Variants in SYT6 observed in about 807,000 individuals in gnomAD.
SYT6 encodes the protein synaptotagmin-6.
Under a neutral mutation model 38.4 loss-of-function variants are expected in SYT6, and 24 were observed. That is an observed-to-expected ratio of 0.62 (90% CI 0.45 to 0.88). The LOEUF is 0.88. SYT6 is among the 40% of genes least tolerant of loss of function. The pLI, the probability that SYT6 is intolerant of heterozygous loss-of-function variation, is 0.00. For synonymous variants in SYT6, 265 were observed against 241.9 expected (o/e 1.10, Z -0.89); for missense variants, 611 against 621.0 (o/e 0.98, Z 0.17).
intron 3 of SYT6, among the ~76,000 whole-genome samples, chr1:114,118,620 T>TCCTGCTGCTGCTGCAGAGGGG (rs1677153936): frequency 6.6e-6 from 1 of 152,178 alleles, no homozygotes; most frequent in South Asian, 2.1e-4. Context: ...TCCCTGGGGC[T>TCCTGCTGCTGCTGCAGAGGGG]CCTGCTGCTG....
intron 3 of SYT6, among the ~76,000 whole-genome samples, chr1:114,118,949 A>G (rs1212284848): frequency 6.6e-6 from 1 of 152,068 alleles, no homozygotes; most frequent in Non-Finnish European, 1.5e-5. Context: ...GGTGGCTCCT[A>G]TGTCTCCGTG....
intron 3 of SYT6, among the ~76,000 whole-genome samples, chr1:114,130,469 C>G (rs979225025): frequency 3.9e-5 from 6 of 152,120 alleles, no homozygotes; most frequent in Non-Finnish European, 8.8e-5. Context: ...CTGCCTGACC[C>G]TCTTTCTCCT....
At chr1:114,133,108 C>T (rs1300614774) in intron 3 of SYT6, among the ~76,000 whole-genome samples, 2 of 152,120 alleles carry the variant, frequency 1.3e-5, no homozygotes, top group Non-Finnish European at 2.9e-5. Flanking sequence ...CCCTAAAACA[C>T]ACACACACAC....
Position 114,153,794 on chromosome 1 carries a change from C to A in SYT6, c.-22G>T. On this transcript the variant is annotated 5_prime_UTR_variant, in exon 1 of 8. Coordinates refer to ENST00000610222, the MANE Select transcript of SYT6 (RefSeq NM_001253772.2). ...TCATGCCCTAGACACCCAGGCTTGC[C>A]GAGCAGCAGCTCGAACCCGCGCCCC... The A allele has an allele frequency of 1.6e-6, 1 of 644,814 alleles. No homozygotes were observed. The highest frequency in any genetic ancestry group is 1.7e-5 in the South Asian group (1 of 60,360). 39.9% of individuals were successfully genotyped at this position (644,814 alleles called of 1,614,324 possible). A position where few individuals can be genotyped will look rare whatever the true frequency, so the allele number is the denominator to read the frequency against.
At chr1:114,096,385 C>T (rs1675643503) in intron 6 of SYT6, among the ~76,000 whole-genome samples, 1 of 152,242 alleles carries the variant, frequency 6.6e-6, no homozygotes, top group Non-Finnish European at 1.5e-5. Flanking sequence ...GAAGCCTCAA[C>T]TGCCAGAAAC....
chr1:114,107,545 C>T (rs1366917656), intron 3 of SYT6, among the ~76,000 whole-genome samples: 1 of 152,242 alleles, frequency 6.6e-6, no homozygotes, highest in Non-Finnish European at 1.5e-5. Flanking sequence ...GTGGCTGGCC[C>T]TCACTGTGCC....
At chr1:114,095,571 G>C (rs1675583317) in intron 6 of SYT6, among the ~76,000 whole-genome samples, 1 of 152,212 alleles carries the variant, frequency 6.6e-6, no homozygotes, top group African/African-American at 2.4e-5. Context: ...ATTGCTTAGG[G>C]TCAGAGTTTC....
intron 1 of SYT6, among the ~76,000 whole-genome samples, chr1:114,142,598 C>A (rs1323827280): frequency 6.6e-6 from 1 of 152,148 alleles, no homozygotes; most frequent in Non-Finnish European, 1.5e-5. Flanking sequence ...GAAAGAAGTT[C>A]TACTATGGAT....
At chr1:114,139,352 C>T (rs1256630655) in intron 2 of SYT6, among the ~76,000 whole-genome samples, 1 of 152,118 alleles carries the variant, frequency 6.6e-6, no homozygotes, top group Non-Finnish European at 1.5e-5. Flanking sequence ...TCCACTATTC[C>T]ATTCCCCTCA....
intron 3 of SYT6, among the ~76,000 whole-genome samples, chr1:114,131,717 C>T (rs1025064901): frequency 6.6e-6 from 1 of 152,140 alleles, no homozygotes; most frequent in African/African-American, 2.4e-5. Flanking sequence ...GATGCACTGA[C>T]CGGCACATAG....
rs751596042 is a variant in SYT6, at chr1:114,137,692, G to A, written c.874C>T (p.Pro292Ser). The A allele has an allele frequency of 6.2e-6, 10 of 1,613,748 alleles. No homozygotes were observed. Among genetic ancestry groups the A allele is most frequent in the Non-Finnish European group, 8.5e-7 (1 of 1,179,796 alleles). The stretch of plus-strand genomic sequence containing the variant: ...AAGTGGAAGTTCTCATCAAAGGTGG[G>A]GTTCAGGGTCTTGCGGTGCACCCGG... ...QTRVHRKTLN[P>S]TFDENFHFPV... The change falls in exon 3 of 8, where the codon CCC becomes TCC. Residue 292 changes from proline (P) to serine (S), a missense_variant. Transcript: ENST00000610222.
intron 3 of SYT6, among the ~76,000 whole-genome samples, chr1:114,133,719 C>T (rs752817831): frequency 9.2e-5 from 14 of 152,184 alleles, no homozygotes; most frequent in African/African-American, 2.7e-4. Flanking sequence ...ACGAGGCCTC[C>T]GACTGCCCTG....
chr1:114,129,426 C>T (rs1163367528), intron 3 of SYT6, among the ~76,000 whole-genome samples: 4 of 152,012 alleles, frequency 2.6e-5, no homozygotes, highest in Non-Finnish European at 5.9e-5. Context: ...ACCTCTCCCG[C>T]CTCTTACCTC....
At chr1:114,098,518 G>A (rs1675781823) in intron 5 of SYT6, among the ~76,000 whole-genome samples, 1 of 152,176 alleles carries the variant, frequency 6.6e-6, no homozygotes, top group Non-Finnish European at 1.5e-5. Context: ...TCTGAGGAAG[G>A]GGAGATCCGA....
At chr1:114,135,152 C>T (rs1359058223) in intron 3 of SYT6, among the ~76,000 whole-genome samples, 2 of 151,998 alleles carry the variant, frequency 1.3e-5, no homozygotes, top group African/African-American at 4.8e-5. Context: ...ATGGGTGGGG[C>T]TCTGCAGCTT....
intron 1 of SYT6, among the ~76,000 whole-genome samples, chr1:114,150,768 G>T (rs1348309145): frequency 6.6e-6 from 1 of 152,196 alleles, no homozygotes; most frequent in Non-Finnish European, 1.5e-5. Context: ...CAGGCCTATG[G>T]CTTCAGAGTT....
At position 114,103,568 on chromosome 1, in the gene SYT6, C is replaced by A. The variant is rs368439923; in HGVS notation, c.1192+33G>T. The stretch of plus-strand genomic sequence containing the variant: ...ACCCTTCCAAATCCTAATGTCTGGG[C>A]TGCTGGCAGGCCACTTGGGTTAAGA... On this transcript the variant is annotated intron_variant, in intron 4 of 7. Transcript: ENST00000610222. The A allele has an allele frequency of 8.1e-6, 13 of 1,612,818 alleles. No individual in the cohort carries two copies. The African/African-American group carries it at 1.7e-4, about 22-fold the overall frequency.
In SYT6 at chr1:114,093,793, C is replaced by G; in HGVS notation, c.1526G>C (p.Arg509Pro). The G allele has an allele frequency of 6.2e-7, 1 of 1,614,042 alleles. No individual in the cohort carries two copies. The highest frequency in any genetic ancestry group is 8.5e-7 in the Non-Finnish European group (1 of 1,180,000). ...GCATCCACGTGAATGAAATCACAAC[C>G]GAGGGTTTCCCTGGTGAAATATTTT... ...VKKSFKEGNP[R>P]L Residue 509 changes from arginine to proline, a missense_variant, in exon 7 of 8, where the codon CGG becomes CCG. By Grantham distance (103) the Arg-to-Pro change is moderately radical. Coordinates refer to ENST00000610222, the MANE Select transcript of SYT6 (RefSeq NM_001253772.2).
At chr1:114,129,620 T>TC (rs760340223) in intron 3 of SYT6, among the ~76,000 whole-genome samples, 904 of 63,332 alleles carry the variant, frequency 0.014, 4 homozygotes, top group African/African-American at 0.036. Flanking sequence ...TTCTTTCCTT[T>TC]CTTTCTTTCT....
Sources: gnomAD v4.1 joint callset for allele counts (sites outside exome capture counted in the v4.1 genomes callset) on GRCh38, gnomAD v4.1.1 for gene constraint, MANE v1.5 for transcripts, NCBI Gene and HGNC (gene_info 2026-07-23, HGNC 2026-07-21) for gene names.